Variants in BST1 observed in about 807,000 individuals in gnomAD.
BST1 encodes bone marrow stromal cell antigen 1, also known as ADP-ribosyl cyclase/cyclic ADP-ribose hydrolase 2.
Under a neutral mutation model 40.6 loss-of-function variants are expected in BST1, and 49 were observed. The observed-to-expected ratio is 1.21, with a 90% CI of 0.96 to 1.53. BST1 has a LOEUF of 1.53. BST1 is among the 40% of genes most tolerant of loss of function. The pLI is 0.00. For synonymous variants in BST1, 157 were observed against 159.3 expected (o/e 0.99, Z 0.11); for missense variants, 423 against 395.9 (o/e 1.07, Z -0.58).
At chr4:15,706,576 G>A (rs1719892275) in intron 2 of BST1, among the ~76,000 whole-genome samples, 1 of 152,186 alleles carries the variant, frequency 6.6e-6, no homozygotes, top group African/African-American at 2.4e-5. Context: ...TCAAGTTTAA[G>A]GAATGCTAGA....
chr4:15,735,906 G>A (rs535156724), downstream of BST1: 15 of 310,888 alleles, frequency 4.8e-5, no homozygotes, highest in East Asian at 1.0e-3. Flanking sequence ...CTTTTTTCCC[G>A]AATATAAGAG....
chr4:15,731,119 C>A, intron 8 of BST1: 1 of 422,356 alleles, frequency 2.4e-6, no homozygotes, highest in South Asian at 2.1e-5. Flanking sequence ...TTTCACGTGG[C>A]CAACAGCCAC....
intron 7 of BST1, among the ~76,000 whole-genome samples, chr4:15,722,049 C>G (rs552703997): frequency 6.6e-6 from 1 of 152,318 alleles, no homozygotes; most frequent in South Asian, 2.1e-4. Context: ...CTTGGAACTT[C>G]ACATCTTCTC....
At chr4:15,744,020 G>A in the BST1 span, among the ~76,000 whole-genome samples, 7 of 152,146 alleles carry the variant, frequency 4.6e-5, no homozygotes, top group African/African-American at 1.7e-4. Flanking sequence ...TCTTTCCTTG[G>A]GGGATGGGAT....
At chr4:15,761,695 G>C in the BST1 span, among the ~76,000 whole-genome samples, 1 of 151,900 alleles carries the variant, frequency 6.6e-6, no homozygotes, top group Non-Finnish European at 1.5e-5. Flanking sequence ...ATTCTTATGT[G>C]ATAGAAATTC....
Position 15,731,959 on chromosome 4 carries a change from G to A in BST1, c.*114G>A. Reference sequence around the variant, plus strand: ...GTTATCTAAAGAAGCTTTTTGCTGGGAAAACGATGTCCTGAAAATGGTATT... The same window carrying A: ...GTTATCTAAAGAAGCTTTTTGCTGGAAAAACGATGTCCTGAAAATGGTATT... On this transcript the variant is annotated 3_prime_UTR_variant, in exon 9 of 9. Coordinates refer to ENST00000265016, the MANE Select transcript of BST1 (RefSeq NM_004334.3). 1.4e-6 allele frequency: 2 copies of A among 1,391,056 alleles called. No homozygotes were observed. The allele number at this position is 1,391,056 out of a possible 1,614,324, so 86.2% of individuals were successfully genotyped here.
the BST1 span, chr4:15,743,721 C>A: frequency 2.7e-4 from 44 of 164,922 alleles, no homozygotes; most frequent in Admixed American, 1.9e-4. Context: ...ACATGTTGAG[C>A]CCCTCTTGTA....
At chr4:15,751,027 GA>G in the BST1 span, among the ~76,000 whole-genome samples, 2 of 152,136 alleles carry the variant, frequency 1.3e-5, no homozygotes, top group Admixed American at 1.3e-4. Flanking sequence ...CTAGTGTTTG[GA>G]GAAGACAAAC....
chr4:15,718,521 C>T (rs1232145121), intron 6 of BST1, among the ~76,000 whole-genome samples: 3 of 152,166 alleles, frequency 2.0e-5, no homozygotes, highest in African/African-American at 7.2e-5. Flanking sequence ...TTACTTAAAA[C>T]TTCAAATGAA....
the BST1 span, among the ~76,000 whole-genome samples, chr4:15,749,065 G>A: frequency 5.3e-5 from 8 of 152,292 alleles, no homozygotes; most frequent in South Asian, 1.7e-3. Context: ...TGACAGTGTA[G>A]CAAATTTCTC....
downstream of BST1, among the ~76,000 whole-genome samples, chr4:15,739,592 TGTATTTCTCCCCTGCACAAAA>T (rs1377873510): frequency 3.4e-3 from 493 of 144,816 alleles, no homozygotes; most frequent in Non-Finnish European, 5.1e-3. Context: ...TGTGTGTGTG[TGTATTTCTCCCCTGCACAAAA>T]GTAGAAGGGT....
intron 8 of BST1, chr4:15,731,065 T>G (rs1277341436): frequency 2.0e-6 from 1 of 505,906 alleles, no homozygotes; most frequent in Non-Finnish European, 3.6e-6. Context: ...CACCAAGAAG[T>G]TGACAGGCAG....
At chr4:15,736,191 G>T, downstream of BST1, 1 of 1,216,984 alleles carries the variant, frequency 8.2e-7, no homozygotes, top group Non-Finnish European at 1.1e-6. Flanking sequence ...CTTCTGCTTG[G>T]TTTCTCCTTC....
the BST1 span, among the ~76,000 whole-genome samples, chr4:15,754,424 T>A: frequency 6.6e-6 from 1 of 152,162 alleles, no homozygotes. Flanking sequence ...TGTCTAAGAT[T>A]GTCTCCTCTC....
chr4:15,732,145 G>T lies in BST1; in HGVS notation c.*300G>T. ...TTGTATATTATCAAACATTTTAAGAGAATTCTAATAAAGCTGTATTTTACA... is the reference window on the plus strand; with the variant it reads ...TTGTATATTATCAAACATTTTAAGATAATTCTAATAAAGCTGTATTTTACA... On this transcript the variant is annotated 3_prime_UTR_variant, in exon 9 of 9. Coordinates refer to ENST00000265016, the MANE Select transcript of BST1 (RefSeq NM_004334.3). The T allele has an allele frequency of 1.8e-6, 2 of 1,113,604 alleles. No homozygotes were observed. Among genetic ancestry groups the T allele is most frequent in the East Asian group, 6.5e-5 (1 of 15,454 alleles). The allele number at this position is 1,113,604 out of a possible 1,614,324, so 69.0% of individuals were successfully genotyped here.
chr4:15,754,647 A>T, the BST1 span, among the ~76,000 whole-genome samples: 50,347 of 152,118 alleles, frequency 0.33, 10,560 homozygotes, highest in East Asian at 0.6. Context: ...GCATGCCTGA[A>T]AAGATGGAAA....
intron 8 of BST1, among the ~76,000 whole-genome samples, chr4:15,730,179 G>A (rs186804882): frequency 6.6e-6 from 1 of 152,192 alleles, no homozygotes; most frequent in Admixed American, 6.5e-5. Flanking sequence ...GCATTCAAAT[G>A]GAGTCAGGAA....
downstream of BST1, among the ~76,000 whole-genome samples, chr4:15,734,770 A>G (rs1373831519): frequency 6.6e-6 from 1 of 152,158 alleles, no homozygotes; most frequent in African/African-American, 2.4e-5. Context: ...CTTAGATGAG[A>G]GGGTCAATTT....
At chr4:15,730,870 C>T (rs918828881) in intron 8 of BST1, 5 of 171,240 alleles carry the variant, frequency 2.9e-5, no homozygotes, top group Non-Finnish European at 6.1e-5. Flanking sequence ...CACTTTATAA[C>T]TTCCTATATA....
Sources: gnomAD v4.1 joint callset for allele counts (sites outside exome capture counted in the v4.1 genomes callset) on GRCh38, gnomAD v4.1.1 for gene constraint, MANE v1.5 for transcripts, NCBI Gene and HGNC (gene_info 2026-07-23, HGNC 2026-07-21) for gene names.